Variants in MCTP1 observed in about 807,000 individuals in gnomAD.
MCTP1 encodes the protein multiple C2 and transmembrane domain containing 1, also known as multiple C2 and transmembrane domain-containing protein 1.
A neutral mutation model predicts 120.6 loss-of-function variants in MCTP1; 69 were observed. The ratio of observed to expected loss-of-function variants is 0.57; its 90% CI spans 0.47 to 0.70. MCTP1 has a LOEUF of 0.70. MCTP1 is among the 30% of genes least tolerant of loss of function. The pLI is 0.00. For synonymous variants in MCTP1, 529 were observed against 493.1 expected, an observed-to-expected ratio of 1.07 and a Z score of -0.96; for missense variants, 1,203 against 1,248.8, an observed-to-expected ratio of 0.96 and a Z score of 0.55.
chr5:94,709,056 C>T, intron 21 of MCTP1: 1 of 152,756 alleles, frequency 6.5e-6, no homozygotes, highest in Non-Finnish European at 1.5e-5. Context: ...TTAATGCCAG[C>T]TAAATGTTTA....
At chr5:95,074,881 C>T (rs1753168375) in intron 1 of MCTP1, among the ~76,000 whole-genome samples, 2 of 152,150 alleles carry the variant, frequency 1.3e-5, no homozygotes, top group Admixed American at 1.3e-4. Flanking sequence ...ATACTAAATT[C>T]AGATAGGGAT....
chr5:95,108,465 C>T (rs1757248375), intron 1 of MCTP1, among the ~76,000 whole-genome samples: 1 of 152,184 alleles, frequency 6.6e-6, no homozygotes, highest in African/African-American at 2.4e-5. Context: ...CAGGCTCAAA[C>T]ACAAGCCACT....
intron 1 of MCTP1, among the ~76,000 whole-genome samples, chr5:95,269,766 T>C (rs900726431): frequency 6.6e-6 from 1 of 152,336 alleles, no homozygotes; most frequent in Non-Finnish European, 1.5e-5. Flanking sequence ...CTTTGCCACT[T>C]ACTAACTATG....
At chr5:94,881,839 C>T (rs569940286) in intron 12 of MCTP1, among the ~76,000 whole-genome samples, 60 of 152,206 alleles carry the variant, frequency 3.9e-4, no homozygotes, top group African/African-American at 7.9e-4. Context: ...TCTCAATTGA[C>T]GTGATTTTAA....
At chr5:95,241,351 T>C (rs1037030534) in intron 1 of MCTP1, among the ~76,000 whole-genome samples, 1 of 152,156 alleles carries the variant, frequency 6.6e-6, no homozygotes, top group Non-Finnish European at 1.5e-5. Flanking sequence ...CAACTTATGG[T>C]CTCTAAAATG....
intron 19 of MCTP1, among the ~76,000 whole-genome samples, chr5:94,742,503 C>T (rs1580419287): frequency 6.6e-6 from 1 of 152,194 alleles, no homozygotes; most frequent in Admixed American, 6.5e-5. Context: ...TGCCTAACAG[C>T]CTTAGGTCAA....
intron 1 of MCTP1, among the ~76,000 whole-genome samples, chr5:95,160,096 C>G (rs553752192): frequency 1.3e-5 from 2 of 152,122 alleles, no homozygotes; most frequent in African/African-American, 4.8e-5. Flanking sequence ...TTGTATACAA[C>G]GGCAGAAATT....
At chr5:95,176,871 C>T (rs1748049429) in intron 1 of MCTP1, among the ~76,000 whole-genome samples, 1 of 151,448 alleles carries the variant, frequency 6.6e-6, no homozygotes. Flanking sequence ...TATATACCTA[C>T]ATTTTTTTTT....
At chr5:95,233,649 T>C (rs926610925) in intron 1 of MCTP1, among the ~76,000 whole-genome samples, 1 of 152,128 alleles carries the variant, frequency 6.6e-6, no homozygotes, top group Non-Finnish European at 1.5e-5. Context: ...TACTTCTAAA[T>C]AAATCATAAG....
intron 1 of MCTP1, among the ~76,000 whole-genome samples, chr5:95,027,725 C>T (rs1839517610): frequency 6.6e-6 from 1 of 152,188 alleles, no homozygotes; most frequent in African/African-American, 2.4e-5. Flanking sequence ...GTCCACTGCT[C>T]CGTACTCTTG....
intron 22 of MCTP1, chr5:94,708,086 TCTC>T (rs1292609567): frequency 6.4e-6 from 1 of 156,182 alleles, no homozygotes; most frequent in Admixed American, 6.4e-5. Flanking sequence ...TCAGCTTTCC[TCTC>T]CTCATTGATC....
chr5:94,995,006 T>A (rs570735330), intron 2 of MCTP1, among the ~76,000 whole-genome samples: 2 of 152,350 alleles, frequency 1.3e-5, no homozygotes, highest in South Asian at 4.1e-4. Flanking sequence ...TTCCTACTTT[T>A]GAGGTTTTGG....
At chr5:94,795,685 T>C (rs1340663148) in intron 18 of MCTP1, among the ~76,000 whole-genome samples, 1 of 152,230 alleles carries the variant, frequency 6.6e-6, no homozygotes, top group Non-Finnish European at 1.5e-5. Flanking sequence ...GAAATTTTAA[T>C]GTCATGGTCC....
chr5:95,086,913 T>G (rs989406555), intron 1 of MCTP1, among the ~76,000 whole-genome samples: 1 of 152,190 alleles, frequency 6.6e-6, no homozygotes, highest in Non-Finnish European at 1.5e-5. Flanking sequence ...AGAAACCTCA[T>G]GGTAAGTACA....
At chr5:95,038,458 T>C (rs929989) in intron 1 of MCTP1, among the ~76,000 whole-genome samples, 105,203 of 152,050 alleles carry the variant, frequency 0.69, 38,847 homozygotes, top group Non-Finnish European at 0.85. Context: ...TGCAGAAGAA[T>C]TCAGAATAAT....
chr5:94,797,089 A>C (rs987680246), intron 18 of MCTP1, among the ~76,000 whole-genome samples: 20 of 152,152 alleles, frequency 1.3e-4, no homozygotes, highest in African/African-American at 4.6e-4. Context: ...AAATTATATG[A>C]TATGCAATTT....
intron 1 of MCTP1, among the ~76,000 whole-genome samples, chr5:95,168,848 G>T (rs1014241453): frequency 4.6e-5 from 7 of 152,138 alleles, no homozygotes; most frequent in African/African-American, 1.7e-4. Flanking sequence ...TGCAAACAGG[G>T]ACAATTTGAC....
chr5:95,092,920 C>T (rs1397049976), intron 1 of MCTP1, among the ~76,000 whole-genome samples: 8 of 152,150 alleles, frequency 5.3e-5, no homozygotes, highest in African/African-American at 1.9e-4. Flanking sequence ...CTCCATAAAA[C>T]TGGTCTTCCA....
At chr5:94,874,903 C>G (rs1798517868) in intron 12 of MCTP1, among the ~76,000 whole-genome samples, 1 of 152,054 alleles carries the variant, frequency 6.6e-6, no homozygotes, top group African/African-American at 2.4e-5. Context: ...TATAAGCGTG[C>G]CACATCTTAG....
Sources: allele counts gnomAD v4.1 joint callset (sites outside exome capture counted in the v4.1 genomes callset), GRCh38; gene constraint gnomAD v4.1.1; transcripts MANE v1.5; gene names NCBI Gene and HGNC (gene_info 2026-07-23, HGNC 2026-07-21).